Variants in FRMPD4 observed in about 807,000 individuals in gnomAD.
FRMPD4 encodes FERM and PDZ domain-containing protein 4.
In FRMPD4, 22 loss-of-function variants were observed where a neutral mutation model predicts 94.1. The observed-to-expected ratio is 0.23, with a 90% confidence interval of 0.17 to 0.33. The LOEUF is 0.33. Ranked by LOEUF, FRMPD4 falls within the 10% of genes least tolerant of loss-of-function variation. The pLI, the probability that FRMPD4 is intolerant of heterozygous loss-of-function variation, is 1.00. For synonymous variants in FRMPD4, 631 were observed against 548.6 expected (o/e 1.15, Z -2.10); for missense variants, 1,111 against 1,339.9 (o/e 0.83, Z 2.67).
intron 1 of FRMPD4, among the ~76,000 whole-genome samples, chrX:11,824,606 C>A (rs1236852587): frequency 2.7e-5 from 3 of 111,750 alleles, no homozygotes; most frequent in Non-Finnish European, 5.6e-5. Flanking sequence ...TTGACAATCA[C>A]TATTTTAGGC....
In FRMPD4 at chrX:12,104,159, T is replaced by C. The variant is rs899409855; in HGVS notation, c.95+226141T>C. ...CATGCTCCTGTGATAATATTATTAA[T>C]TCATTTGTGAGGGCAGAGCCCTCGT... On this transcript the variant is annotated intron_variant, in intron 3 of 18. Transcript: ENST00000640291. Among the ~76,000 whole-genome samples the C allele has an allele frequency of 8.2e-4, 92 of 112,537 alleles. 2 individuals carry two copies. The highest frequency in any genetic ancestry group is 7.5e-5 in the Non-Finnish European group (4 of 53,304).
At chrX:12,042,491 C>T (rs2054761505) in intron 3 of FRMPD4, among the ~76,000 whole-genome samples, 1 of 111,329 alleles carries the variant, frequency 9.0e-6, no homozygotes, top group Admixed American at 9.6e-5. Flanking sequence ...CCTGCCTGTG[C>T]TCAATCTGTA....
intron 2 of FRMPD4, among the ~76,000 whole-genome samples, chrX:12,542,627 T>C (rs1222977196): frequency 8.9e-6 from 1 of 111,816 alleles, no homozygotes; most frequent in African/African-American, 3.3e-5. Flanking sequence ...TGCTCATGGA[T>C]AGAAGAATCA....
chrX:12,591,953 C>G (rs760386480), intron 2 of FRMPD4, among the ~76,000 whole-genome samples: 7 of 111,593 alleles, frequency 6.3e-5, no homozygotes, highest in Non-Finnish European at 1.3e-4. Context: ...TGTCCTGCCT[C>G]TCTTTCTGTC....
intron 4 of FRMPD4, among the ~76,000 whole-genome samples, chrX:12,644,637 A>T (rs1302497411): frequency 1.8e-5 from 2 of 111,525 alleles, no homozygotes; most frequent in Non-Finnish European, 3.8e-5. Flanking sequence ...GAATAGCCCC[A>T]CTACTCTGCC....
intron 5 of FRMPD4, among the ~76,000 whole-genome samples, chrX:12,677,710 A>T (rs1021216856): frequency 1.2e-4 from 13 of 111,753 alleles, no homozygotes; most frequent in Non-Finnish European, 5.6e-5. Context: ...TAGAGAGCCA[A>T]TGTTTATACC....
Position 12,482,146 on chromosome X carries a change from A to C in FRMPD4, c.42-16534A>C, listed in dbSNP as rs760984285. Among the ~76,000 whole-genome samples the C allele has an allele frequency of 2.7e-5, 3 of 109,739 alleles. No individual in the cohort carries two copies. The South Asian group carries it at 1.2e-3, about 45-fold the overall frequency. Reference sequence around the variant, plus strand: ...TCAGGGGTGGCAGAGGCAGAACAAAATCTGTGTATAAGTGGACATGTGCAG... The same window carrying C: ...TCAGGGGTGGCAGAGGCAGAACAAACTCTGTGTATAAGTGGACATGTGCAG... On this transcript the variant is annotated intron_variant, in intron 1 of 16. Transcript: ENST00000675598.
chrX:12,540,322 A>G (rs758227188), intron 2 of FRMPD4, among the ~76,000 whole-genome samples: 23 of 111,913 alleles, frequency 2.1e-4, no homozygotes, highest in Non-Finnish European at 4.1e-4. Flanking sequence ...AAGACTCATC[A>G]GTGTGCCGTA....
rs2041794010 is a variant in FRMPD4 at position 12,701,984 on chromosome X, G to A, written c.1044G>A (p.Thr348=). 2 of 1,209,931 alleles carry A rather than the reference G, an allele frequency of 1.7e-6. No homozygotes were observed. Among genetic ancestry groups the A allele is most frequent in the Non-Finnish European group, 2.2e-6 (2 of 894,105 alleles). The change falls in exon 10 of 17, where the codon ACG becomes ACA. Residue 348 remains threonine (T), a synonymous_variant. Coordinates refer to ENST00000675598, the MANE Select transcript of FRMPD4 (RefSeq NM_001368397.1). ...MYIATVTTKQ[T]QKISLKYIEK... ...TTGCAACCGTTACCACCAAGCAAAC[G>A]CAGAAAATCTCCCTCAAATACATCG...
chrX:12,255,977 A>T (rs1254608163), intron 1 of FRMPD4, among the ~76,000 whole-genome samples: 2 of 112,425 alleles, frequency 1.8e-5, no homozygotes. Flanking sequence ...AGCCAAGGGC[A>T]ATCTTCTGCA....
At chrX:12,080,160 A>G (rs6654951) in intron 3 of FRMPD4, among the ~76,000 whole-genome samples, 7,962 of 111,777 alleles carry the variant, frequency 0.071, 277 homozygotes, top group East Asian at 0.24. Context: ...TCCCTCCATA[A>G]TAAGTTAGCA....
chrX:11,988,110 A>G (rs1395702481), intron 3 of FRMPD4, among the ~76,000 whole-genome samples: 3 of 112,071 alleles, frequency 2.7e-5, no homozygotes, highest in African/African-American at 9.7e-5. Context: ...ATGAAACCAC[A>G]AAAGACCCAG....
intron 1 of FRMPD4, among the ~76,000 whole-genome samples, chrX:12,487,669 T>C (rs1235202025): frequency 2.7e-5 from 3 of 112,136 alleles, no homozygotes; most frequent in African/African-American, 9.7e-5. Flanking sequence ...TACTGAGAAA[T>C]CTAGTGAAAT....
chrX:12,546,927 G>A (rs1311160882), intron 2 of FRMPD4, among the ~76,000 whole-genome samples: 2 of 103,620 alleles, frequency 1.9e-5, no homozygotes, highest in African/African-American at 3.6e-5. Context: ...TGAGATGGGA[G>A]GATCACTTGA....
intron 3 of FRMPD4, among the ~76,000 whole-genome samples, chrX:12,080,147 T>C (rs1267554818): frequency 2.7e-5 from 3 of 112,208 alleles, no homozygotes; most frequent in Non-Finnish European, 5.6e-5. Context: ...GGCTCTCCAC[T>C]TTTCCCTCCA....
chrX:11,860,285 C>A (rs188788915), intron 1 of FRMPD4, among the ~76,000 whole-genome samples: 1 of 112,194 alleles, frequency 8.9e-6, no homozygotes, highest in East Asian at 2.8e-4. Flanking sequence ...AGGCTAATCA[C>A]CTTTTTGATT....
intron 1 of FRMPD4, among the ~76,000 whole-genome samples, chrX:11,851,374 T>C (rs2053621034): frequency 9.0e-6 from 1 of 111,497 alleles, no homozygotes; most frequent in Non-Finnish European, 1.9e-5. Context: ...GACAGATTAC[T>C]GGAAGAGTAA....
At chrX:11,922,889 G>A (rs1457334476) in intron 3 of FRMPD4, among the ~76,000 whole-genome samples, 33 of 112,788 alleles carry the variant, frequency 2.9e-4, no homozygotes, top group Non-Finnish European at 1.9e-5. Flanking sequence ...CATCAGATGG[G>A]GCAGGTCTGA....
At chrX:12,285,220 T>C (rs891025684) in intron 1 of FRMPD4, among the ~76,000 whole-genome samples, 1 of 111,895 alleles carries the variant, frequency 8.9e-6, no homozygotes, top group Non-Finnish European at 1.9e-5. Flanking sequence ...AACACTTTTT[T>C]GTGCAAGGCC....
Sources: allele counts gnomAD v4.1 joint callset (sites outside exome capture counted in the v4.1 genomes callset), GRCh38; gene constraint gnomAD v4.1.1; transcripts MANE v1.5; gene names NCBI Gene and HGNC (gene_info 2026-07-23, HGNC 2026-07-21).